The following C8orf34 variants were observed in gnomAD, a reference collection of about 807,000 sequenced individuals.
C8orf34 encodes the protein uncharacterized protein C8orf34.
In C8orf34, 65 loss-of-function variants were observed where a neutral mutation model predicts 68.3. The observed-to-expected ratio is 0.95, with a 90% CI of 0.78 to 1.17. The LOEUF (loss-of-function observed/expected upper bound fraction) is 1.17, where lower values mean the gene tolerates loss of function less well. C8orf34 is among the 50% of genes most tolerant of loss of function. The probability of loss-of-function intolerance (pLI) is 0.00; values close to 1 mark genes in which losing one functional copy is unlikely to be tolerated. For missense variants in C8orf34, 664 were observed against 655.4 expected, an observed-to-expected ratio of 1.01 and a Z score of -0.14; for synonymous variants, 244 against 241.2, an observed-to-expected ratio of 1.01 and a Z score of -0.11.
intron 9 of C8orf34, among the ~76,000 whole-genome samples, chr8:68,721,019 C>T (rs1821656402): frequency 6.6e-6 from 1 of 151,780 alleles, no homozygotes; most frequent in Non-Finnish European, 1.5e-5. Flanking sequence ...AAGAAATAAT[C>T]ATGAAATTAT....
At chr8:68,352,199 T>G (rs537140061) in intron 1 of C8orf34, among the ~76,000 whole-genome samples, 1 of 152,210 alleles carries the variant, frequency 6.6e-6, no homozygotes, top group Admixed American at 6.6e-5. Flanking sequence ...TTTTTGGTAT[T>G]CAAAATATTA....
chr8:68,398,330 C>T (rs1334835473), intron 1 of C8orf34, among the ~76,000 whole-genome samples: 3 of 152,098 alleles, frequency 2.0e-5, no homozygotes, highest in Non-Finnish European at 4.4e-5. Flanking sequence ...TTCTCTTACA[C>T]TTGAACCTGT....
intron 12 of C8orf34, 123 bp from the exon 13 acceptor site, chr8:68,815,763 A>AT: frequency 6.6e-7 from 1 of 1,509,724 alleles, no homozygotes; most frequent in Non-Finnish European, 9.1e-7. Flanking sequence ...CATACTATAA[A>AT]TGTAGTTTTA....
Position 68,617,440 on chromosome 8 carries a change from A to G in C8orf34, c.1106-22936A>G, listed in dbSNP as rs180729342. Among the ~76,000 whole-genome samples, 255 of 152,170 alleles carry G rather than the reference A, an allele frequency of 1.7e-3. 3 individuals are homozygous for G. The highest frequency in any genetic ancestry group is 6.0e-3 in the African/African-American group (251 of 41,506). On this transcript the variant is annotated intron_variant, in intron 7 of 13. Coordinates refer to ENST00000518698, the MANE Select transcript of C8orf34 (RefSeq NM_052958.4). ...GCTGGTACTGGTTGTTCCTTTCCATATTTAGTGCTTCCTTCAGGAGCTCTT... is the reference window on the plus strand; with the variant it reads ...GCTGGTACTGGTTGTTCCTTTCCATGTTTAGTGCTTCCTTCAGGAGCTCTT...
chr8:68,608,027 G>A (rs533148967), intron 7 of C8orf34, among the ~76,000 whole-genome samples: 1 of 150,182 alleles, frequency 6.7e-6, no homozygotes, highest in East Asian at 1.9e-4. Context: ...ACAGATAGTA[G>A]GAAACAATAT....
intron 1 of C8orf34, among the ~76,000 whole-genome samples, chr8:68,399,259 A>T (rs1808848458): frequency 6.6e-6 from 1 of 152,050 alleles, no homozygotes; most frequent in African/African-American, 2.4e-5. Flanking sequence ...TATATCTGTC[A>T]CCAGAACAGC....
chr8:68,745,705 C>A (rs1822466308), intron 10 of C8orf34, among the ~76,000 whole-genome samples: 1 of 152,026 alleles, frequency 6.6e-6, no homozygotes, highest in South Asian at 2.1e-4. Flanking sequence ...TATATATGCA[C>A]CCAATACAGG....
At chr8:68,790,777 T>C (rs1384142142) in intron 12 of C8orf34, 2 of 656,682 alleles carry the variant, frequency 3.0e-6, no homozygotes, top group South Asian at 1.7e-5. Context: ...TCTACTGGGG[T>C]ACTTGTTTAA....
At chr8:68,569,941 G>T (rs1316871371) in intron 7 of C8orf34, among the ~76,000 whole-genome samples, 2 of 152,182 alleles carry the variant, frequency 1.3e-5, no homozygotes, top group Non-Finnish European at 2.9e-5. Context: ...TGAAGTGATC[G>T]ATGAAGTCCC....
chr8:68,522,450 T>C (rs1200147508), intron 6 of C8orf34, among the ~76,000 whole-genome samples: 1 of 152,200 alleles, frequency 6.6e-6, no homozygotes, highest in East Asian at 1.9e-4. Context: ...AGTTTAGAGT[T>C]GATAACTATG....
At position 68,636,090 on chromosome 8, in the gene C8orf34, T is replaced by C. The variant is rs147368286; in HGVS notation, c.1106-4286T>C. ...TTGAATATGTTCTGATTGGAAGTTG[T>C]TGGCATGGGAAAACTGAAGAAGGGC... On this transcript the variant is annotated intron_variant, in intron 7 of 13. Coordinates refer to ENST00000518698, the MANE Select transcript of C8orf34 (RefSeq NM_052958.4). Among the ~76,000 whole-genome samples the C allele has an allele frequency of 4.1e-3, 618 of 152,266 alleles. 5 individuals are homozygous for C. Among genetic ancestry groups the C allele is most frequent in the African/African-American group, 0.014 (572 of 41,550 alleles).
chr8:68,770,786 A>T (rs4299986), intron 10 of C8orf34, among the ~76,000 whole-genome samples: 2 of 152,004 alleles, frequency 1.3e-5, no homozygotes, highest in African/African-American at 2.4e-5. Flanking sequence ...GTTAAATTTT[A>T]GTCATTAGTC....
At position 68,434,772 on chromosome 8, in the gene C8orf34, C is replaced by T. The variant is rs1214604675; in HGVS notation, c.328-4727C>T. ...ATATTAAGAGAACATTGAGGCTGGG[C>T]GCAGTGGCTCATGCCTGTAATCCCA... On this transcript the variant is annotated intron_variant, in intron 1 of 13. Transcript: ENST00000518698. 2.0e-5 allele frequency among the ~76,000 whole-genome samples: 3 copies of T among 152,060 alleles called. No homozygotes were observed. The South Asian group carries it at 6.2e-4, about 31-fold the overall frequency.
intron 8 of C8orf34, among the ~76,000 whole-genome samples, chr8:68,684,775 GGCT>G (rs781726610): frequency 2.0e-5 from 3 of 151,478 alleles, no homozygotes; most frequent in Non-Finnish European, 4.4e-5. Context: ...AAAAATTATA[GGCT>G]GCTTATTAAA....
At chr8:68,798,270 G>C (rs532140170) in intron 12 of C8orf34, among the ~76,000 whole-genome samples, 1 of 148,354 alleles carries the variant, frequency 6.7e-6, no homozygotes, top group Admixed American at 6.7e-5. Flanking sequence ...GATTACAGGT[G>C]TGAAGCATTA....
chr8:68,521,835 C>G lies in C8orf34; in HGVS notation c.802C>G (p.Arg268Gly), dbSNP rs138458632. Residue 268 changes from arginine to glycine, a missense_variant, in exon 6 of 14, where the codon CGT becomes GGT. Physicochemically the swap from Arg to Gly is moderately radical, Grantham distance 125. Coordinates refer to ENST00000518698, the MANE Select transcript of C8orf34 (RefSeq NM_052958.4). ...VTFNSSLLRP[R>G]VIGEWIGREE... ...ATTTAATTCTTCTCTTCTGAGGCCC[C>G]GTGTGATTGGAGAATGGATTGGTAG... is the stretch of plus-strand genomic sequence containing the variant. 3 of 1,613,722 alleles carry G rather than the reference C, an allele frequency of 1.9e-6. No homozygotes were observed. The highest frequency in any genetic ancestry group is 2.5e-6 in the Non-Finnish European group (3 of 1,179,876).
At chr8:68,589,308 A>G (rs1012460105) in intron 7 of C8orf34, among the ~76,000 whole-genome samples, 1 of 152,098 alleles carries the variant, frequency 6.6e-6, no homozygotes, top group African/African-American at 2.4e-5. Flanking sequence ...ATTTAGCCAG[A>G]AATATTTGTT....
chr8:68,403,784 T>G (rs1312108933), intron 1 of C8orf34, among the ~76,000 whole-genome samples: 1 of 152,328 alleles, frequency 6.6e-6, no homozygotes, highest in East Asian at 1.9e-4. Flanking sequence ...CATCTATCAT[T>G]AATGGGCATT....
At chr8:68,602,119 C>T (rs1482988480) in intron 7 of C8orf34, among the ~76,000 whole-genome samples, 2 of 152,112 alleles carry the variant, frequency 1.3e-5, no homozygotes, top group Non-Finnish European at 2.9e-5. Context: ...TGTTGCCACA[C>T]GATGGGAGCA....
Sources: gnomAD v4.1 joint callset for allele counts (sites outside exome capture counted in the v4.1 genomes callset) on GRCh38, gnomAD v4.1.1 for gene constraint, MANE v1.5 for transcripts, NCBI Gene and HGNC (gene_info 2026-07-23, HGNC 2026-07-21) for gene names.